The following LPP variants were observed in gnomAD, a reference collection of about 807,000 sequenced individuals.
LPP encodes the protein lipoma-preferred partner.
LPP carries 38 observed loss-of-function variants against 60.4 expected under a neutral mutation model. That is an observed-to-expected ratio of 0.63 (90% CI 0.49 to 0.83). The LOEUF (loss-of-function observed/expected upper bound fraction) is 0.83, where lower values mean the gene tolerates loss of function less well. LPP is among the 40% of genes least tolerant of loss of function. LPP has a pLI of 0.00. For synonymous variants in LPP, 328 were observed against 290.8 expected, an observed-to-expected ratio of 1.13 and a Z score of -1.30; for missense variants, 902 against 783.6, an observed-to-expected ratio of 1.15 and a Z score of -1.80.
Position 188,876,472 on chromosome 3 carries a change from A to G in LPP, c.*1993A>G, listed in dbSNP as rs1260814086. On this transcript the variant is annotated 3_prime_UTR_variant, in exon 12 of 12. Transcript: ENST00000617246. Reference sequence around the variant, plus strand: ...ATTTCTCATAATGTGAAATATGATGAGATTCACTTAGGGGCAGCATGTTAG... The same window carrying G: ...ATTTCTCATAATGTGAAATATGATGGGATTCACTTAGGGGCAGCATGTTAG... 5.0e-6 allele frequency: 1 copy of G among 199,544 alleles called. No homozygotes were observed. Among genetic ancestry groups the G allele is most frequent in the African/African-American group, 2.3e-5 (1 of 43,378 alleles). 12.4% of individuals were successfully genotyped at this position (199,544 alleles called of 1,614,324 possible).
Position 188,271,002 on chromosome 3 carries a change from C to T in LPP, c.-67+45475C>T, listed in dbSNP as rs143903412. ...ATGATCTTCGAGATTTCTACTATTT[C>T]TGTTTTCTTTGGTTCTAATTTTGCC... On this transcript the variant is annotated intron_variant, in intron 2 of 11. Transcript: ENST00000617246. Among the ~76,000 whole-genome samples the T allele has an allele frequency of 1.1e-4, 17 of 152,274 alleles. No individual in the cohort carries two copies. The East Asian group carries it at 2.5e-3, about 22-fold the overall frequency.
intron 4 of LPP, among the ~76,000 whole-genome samples, chr3:188,457,739 A>ACT (rs1553903684): frequency 7.1e-6 from 1 of 140,074 alleles, no homozygotes; most frequent in Non-Finnish European, 1.5e-5. Flanking sequence ...AAAAAAAAAA[A>ACT]ATATATATAT....
At chr3:188,685,903 G>A (rs1344103895) in intron 7 of LPP, among the ~76,000 whole-genome samples, 2 of 151,906 alleles carry the variant, frequency 1.3e-5, no homozygotes, top group African/African-American at 4.8e-5. Context: ...TTCCTATAAG[G>A]GAATGTCCAC....
chr3:188,838,704 CA>C (rs1318577175), intron 9 of LPP, among the ~76,000 whole-genome samples: 1 of 152,116 alleles, frequency 6.6e-6, no homozygotes, highest in African/African-American at 2.4e-5. Context: ...ATGTCCTTTT[CA>C]GGGACATGGA....
Position 188,737,030 on chromosome 3 carries a change from G to GA in LPP, c.1241-23081dup, listed in dbSNP as rs537737956. On this transcript the variant is annotated intron_variant, in intron 8 of 11. Coordinates refer to ENST00000617246, the MANE Select transcript of LPP (RefSeq NM_001375462.1). ...CCAAATTTATATAAAAAAATGGGTA[G>GA]AATTTCTTTTTAAAAAACACCTTAA... is the stretch of plus-strand genomic sequence containing the variant. Among the ~76,000 whole-genome samples, 543 of 152,038 alleles carry GA rather than the reference G, an allele frequency of 3.6e-3. 1 individual carries two copies. The highest frequency in any genetic ancestry group is 0.013 in the African/African-American group (525 of 41,492).
intron 9 of LPP, among the ~76,000 whole-genome samples, chr3:188,821,017 G>C (rs137961929): frequency 0.011 from 1,729 of 151,098 alleles, 35 homozygotes; most frequent in African/African-American, 0.039. Flanking sequence ...ATCTTTTTTT[G>C]ATTCATATTC....
intron 3 of LPP, among the ~76,000 whole-genome samples, chr3:188,388,561 A>G (rs1778915449): frequency 6.6e-6 from 1 of 152,212 alleles, no homozygotes; most frequent in Non-Finnish European, 1.5e-5. Context: ...TGCACGTGGA[A>G]TTAATTGGCA....
chr3:188,232,574 G>C (rs995577671), intron 2 of LPP, among the ~76,000 whole-genome samples: 2 of 129,334 alleles, frequency 1.5e-5, no homozygotes, highest in African/African-American at 5.9e-5. Flanking sequence ...GGCTGGTCTT[G>C]AACTCTTGAC....
chr3:188,617,729 A>AAAG (rs1845125838), intron 7 of LPP, among the ~76,000 whole-genome samples: 1 of 152,228 alleles, frequency 6.6e-6, no homozygotes, highest in African/African-American at 2.4e-5. Context: ...AAAATACCCC[A>AAAG]GGTCTCAAAT....
rs1453445919 is a variant in LPP at position 188,885,893 on chromosome 3, T to C, written c.*11414T>C. The C allele has an allele frequency of 6.6e-6, 1 of 152,204 alleles. No individual in the cohort carries two copies. Among genetic ancestry groups the C allele is most frequent in the East Asian group, 1.9e-4 (1 of 5,194 alleles). The allele number at this position is 152,204 out of a possible 1,614,324, so 9.4% of individuals were successfully genotyped here. A position where few individuals can be genotyped will look rare whatever the true frequency, so the allele number is the denominator to read the frequency against. ...TTTGCATTTCTCTGATGGCCAGTGA[T>C]GGTGAGCATTTTTTCATGTGTTTCT... On this transcript the variant is annotated 3_prime_UTR_variant, in exon 12 of 12. Transcript: ENST00000617246.
intron 6 of LPP, among the ~76,000 whole-genome samples, chr3:188,592,413 T>G (rs1208736718): frequency 2.0e-5 from 3 of 151,692 alleles, no homozygotes; most frequent in African/African-American, 7.3e-5. Context: ...CAAGTATACA[T>G]AGAAATACAA....
intron 6 of LPP, among the ~76,000 whole-genome samples, chr3:188,555,383 T>C (rs912088991): frequency 1.3e-5 from 2 of 152,148 alleles, no homozygotes; most frequent in African/African-American, 4.8e-5. Flanking sequence ...GGCAGCTTTC[T>C]GTAGGCTATG....
At position 188,877,119 on chromosome 3, in the gene LPP, C is replaced by A. The variant is rs1769341332; in HGVS notation, c.*2640C>A. On this transcript the variant is annotated 3_prime_UTR_variant, in exon 12 of 12. Transcript: ENST00000617246. ...GGAAAGGATCCTACAATATTTTATT[C>A]TAGGGTTTCTTAAATATATGATTTA... The A allele has an allele frequency of 5.8e-6, 1 of 171,388 alleles. No homozygotes were observed. Among genetic ancestry groups the A allele is most frequent in the African/African-American group, 2.4e-5 (1 of 41,530 alleles). 10.6% of individuals were successfully genotyped at this position (171,388 alleles called of 1,614,324 possible).
At chr3:188,774,432 AT>A (rs35483431) in intron 9 of LPP, among the ~76,000 whole-genome samples, 137,409 of 151,332 alleles carry the variant, frequency 0.91, 62,628 homozygotes, top group East Asian at 0.98. Flanking sequence ...GAGCAAACTC[AT>A]TTTTTTTTTC....
At chr3:188,718,365 G>A (rs1714946583) in intron 8 of LPP, among the ~76,000 whole-genome samples, 1 of 152,152 alleles carries the variant, frequency 6.6e-6, no homozygotes, top group Non-Finnish European at 1.5e-5. Context: ...GCAGACATAG[G>A]TCGGGCCTGC....
At chr3:188,713,598 G>A (rs1458270178) in intron 8 of LPP, among the ~76,000 whole-genome samples, 2 of 152,240 alleles carry the variant, frequency 1.3e-5, no homozygotes, top group African/African-American at 4.8e-5. Context: ...TTGATAGAGT[G>A]ACAGAAATAG....
At chr3:188,291,957 A>G (rs1746139745) in intron 2 of LPP, among the ~76,000 whole-genome samples, 2 of 152,206 alleles carry the variant, frequency 1.3e-5, no homozygotes, top group South Asian at 2.1e-4. Flanking sequence ...CTGTCAGATT[A>G]TATAGAGTTG....
chr3:188,320,357 A>G (rs1197775578), intron 2 of LPP, among the ~76,000 whole-genome samples: 1 of 152,176 alleles, frequency 6.6e-6, no homozygotes, highest in Non-Finnish European at 1.5e-5. Flanking sequence ...CCTGACGACA[A>G]TGTTGCGATT....
chr3:188,837,534 C>G (rs1018761414), intron 9 of LPP, among the ~76,000 whole-genome samples: 1 of 152,028 alleles, frequency 6.6e-6, no homozygotes, highest in Non-Finnish European at 1.5e-5. Flanking sequence ...GATGGGAGAA[C>G]AGAGAACAAT....
Sources: gnomAD v4.1 joint callset for allele counts (sites outside exome capture counted in the v4.1 genomes callset) on GRCh38, gnomAD v4.1.1 for gene constraint, MANE v1.5 for transcripts, NCBI Gene and HGNC (gene_info 2026-07-23, HGNC 2026-07-21) for gene names.